The following FNBP1L variants were observed in gnomAD, a reference collection of about 807,000 sequenced individuals.
FNBP1L encodes the protein formin-binding protein 1-like.
A neutral mutation model predicts 91.2 loss-of-function variants in FNBP1L; 36 were observed. The observed-to-expected ratio is 0.39, with a 90% CI of 0.30 to 0.52. The LOEUF is 0.52. FNBP1L is among the 20% of genes least tolerant of loss of function. The probability of loss-of-function intolerance (pLI) is 0.66; values close to 1 mark genes in which losing one functional copy is unlikely to be tolerated. For missense variants in FNBP1L, 571 were observed against 732.1 expected, an observed-to-expected ratio of 0.78 and a Z score of 2.54; for synonymous variants, 242 against 237.0, an observed-to-expected ratio of 1.02 and a Z score of -0.19.
At chr1:93,510,062 C>T (rs944581607) in intron 2 of FNBP1L, among the ~76,000 whole-genome samples, 7 of 152,302 alleles carry the variant, frequency 4.6e-5, no homozygotes, top group South Asian at 2.1e-4. Flanking sequence ...CCCAGGCTTG[C>T]TTAGGTAAAC....
chr1:93,518,748 T>A (rs1191380808), intron 2 of FNBP1L, among the ~76,000 whole-genome samples: 1 of 152,230 alleles, frequency 6.6e-6, no homozygotes, highest in Non-Finnish European at 1.5e-5. Flanking sequence ...TTTGCTAAAG[T>A]CTACACTTGA....
chr1:93,522,703 G>A (rs1226768608), intron 3 of FNBP1L, among the ~76,000 whole-genome samples: 2 of 152,092 alleles, frequency 1.3e-5, no homozygotes, highest in Admixed American at 1.3e-4. Flanking sequence ...AGTGTTAATG[G>A]AGTCCTATCT....
intron 2 of FNBP1L, among the ~76,000 whole-genome samples, chr1:93,511,614 TTAAATG>T (rs762460689): frequency 6.6e-6 from 1 of 152,042 alleles, no homozygotes; most frequent in Non-Finnish European, 1.5e-5. Flanking sequence ...AATATTAACT[TTAAATG>T]TAAATGGACT....
chr1:93,507,323 TTGG>T (rs1261243165), intron 2 of FNBP1L, among the ~76,000 whole-genome samples: 1 of 152,144 alleles, frequency 6.6e-6, no homozygotes, highest in Non-Finnish European at 1.5e-5. Context: ...GCTATCATAA[TTGG>T]TGGAAAACCT....
rs901344997 is a variant in FNBP1L at position 93,498,448 on chromosome 1, G to A, written c.25-1020G>A. On this transcript the variant is annotated intron_variant, in intron 1 of 16. Coordinates refer to ENST00000271234, the MANE Select transcript of FNBP1L (RefSeq NM_001164473.3). ...ATGATAATCAGAAAGTTTCGTGGAA[G>A]AATAGAGTGGTAACTTGCTTTTAGG... Among the ~76,000 whole-genome samples, 17 of 152,332 alleles carry A rather than the reference G, an allele frequency of 1.1e-4. No homozygotes were observed. In the South Asian group the frequency reaches 2.7e-3, roughly 24 times the overall value.
intron 12 of FNBP1L, 41 bp downstream of exon 12, chr1:93,544,257 G>A: frequency 7.0e-7 from 1 of 1,426,172 alleles, no homozygotes; most frequent in African/African-American, 1.4e-5. Context: ...ATTATTTTAG[G>A]ATCTACTTTG....
chr1:93,543,966 TC>T, intron 11 of FNBP1L, 140 bp from the exon 12 acceptor site: 4 of 515,826 alleles, frequency 7.8e-6, no homozygotes, highest in South Asian at 6.6e-5. Context: ...TGTGTAGATT[TC>T]TTTTTTTTTT....
chr1:93,460,773 G>A (rs949843377), intron 1 of FNBP1L, among the ~76,000 whole-genome samples: 4 of 152,148 alleles, frequency 2.6e-5, no homozygotes, highest in African/African-American at 9.7e-5. Context: ...CCAGAGGCTG[G>A]GTGTGGGGAG....
intron 2 of FNBP1L, among the ~76,000 whole-genome samples, chr1:93,503,396 G>C (rs549737376): frequency 1.3e-5 from 2 of 152,264 alleles, no homozygotes; most frequent in South Asian, 4.1e-4. Flanking sequence ...AATTCAAGAT[G>C]AGATTTGGGT....
At chr1:93,500,436 CT>C (rs1157976048) in intron 2 of FNBP1L, among the ~76,000 whole-genome samples, 1 of 151,996 alleles carries the variant, frequency 6.6e-6, no homozygotes, top group East Asian at 1.9e-4. Flanking sequence ...ATGGTCTTCT[CT>C]ATTGTACCTT....
intron 1 of FNBP1L, among the ~76,000 whole-genome samples, chr1:93,476,596 G>T (rs1259664145): frequency 1.3e-5 from 2 of 152,086 alleles, no homozygotes; most frequent in Non-Finnish European, 2.9e-5. Flanking sequence ...GATGATATCA[G>T]CATAAAAACA....
chr1:93,523,471 C>T lies in FNBP1L; in HGVS notation c.322C>T (p.Leu108=). 1 of 1,603,614 alleles carries T rather than the reference C, an allele frequency of 6.2e-7. No homozygotes were observed. Among genetic ancestry groups the T allele is most frequent in the East Asian group, 2.2e-5 (1 of 44,700 alleles). The part of the protein sequence containing the change: ...YGELMRYAHD[L]KTERKMHLQE... ...TGAATTAATGAGATATGCTCATGAT[C>T]TGAAAACTGAAAGAAAAATGGTAAT... The change falls in exon 4 of 17, where the codon CTG becomes TTG. Residue 108 remains leucine (L), a synonymous_variant. Transcript: ENST00000271234.
chr1:93,475,520 CTGAG>C (rs1339379485), intron 1 of FNBP1L, among the ~76,000 whole-genome samples: 7 of 152,284 alleles, frequency 4.6e-5, no homozygotes, highest in South Asian at 2.1e-4. Flanking sequence ...GCCTAGGTGA[CTGAG>C]TGAGACCCTG....
intron 2 of FNBP1L, among the ~76,000 whole-genome samples, chr1:93,515,823 G>A (rs1671081454): frequency 6.6e-6 from 1 of 151,602 alleles, no homozygotes; most frequent in South Asian, 2.1e-4. Context: ...TAGATGACGA[G>A]TTAGTGAGTG....
Position 93,448,318 on chromosome 1 carries a change from G to T in FNBP1L, c.24+13G>T, listed in dbSNP as rs1484867542. On this transcript the variant is annotated intron_variant, in intron 1 of 16. Coordinates refer to ENST00000271234, the MANE Select transcript of FNBP1L (RefSeq NM_001164473.3). ...CACGGAGCTGTGGGTGAGTCGGGGA[G>T]AGGGGCGCCCCGCACGGACCCCGGC... 1 of 1,507,572 alleles carries T rather than the reference G, an allele frequency of 6.6e-7. No homozygotes were observed. The highest frequency in any genetic ancestry group is 8.9e-7 in the Non-Finnish European group (1 of 1,129,230). The allele number at this position is 1,507,572 out of a possible 1,614,324, so 93.4% of individuals were successfully genotyped here.
intron 1 of FNBP1L, among the ~76,000 whole-genome samples, chr1:93,494,650 G>C (rs1357784320): frequency 6.6e-6 from 1 of 152,116 alleles, no homozygotes; most frequent in Non-Finnish European, 1.5e-5. Flanking sequence ...AGGGAATAAG[G>C]GTTTTAGAAT....
intron 1 of FNBP1L, among the ~76,000 whole-genome samples, chr1:93,459,599 C>T (rs574308387): frequency 2.6e-4 from 39 of 152,258 alleles, no homozygotes; most frequent in Non-Finnish European, 1.2e-4. Context: ...GTGAAGAAAA[C>T]GGAACCCTTG....
At chr1:93,512,440 A>G (rs943381831) in intron 2 of FNBP1L, among the ~76,000 whole-genome samples, 1 of 151,584 alleles carries the variant, frequency 6.6e-6, no homozygotes, top group African/African-American at 2.4e-5. Flanking sequence ...CATCTACAGA[A>G]CTCTCCACCC....
intron 1 of FNBP1L, among the ~76,000 whole-genome samples, chr1:93,464,324 C>G (rs376622310): frequency 6.6e-6 from 1 of 152,134 alleles, no homozygotes; most frequent in African/African-American, 2.4e-5. Context: ...GTACAATTTT[C>G]TCTAATTTAT....
Sources: gnomAD v4.1 joint callset for allele counts (sites outside exome capture counted in the v4.1 genomes callset) on GRCh38, gnomAD v4.1.1 for gene constraint, MANE v1.5 for transcripts, NCBI Gene and HGNC (gene_info 2026-07-23, HGNC 2026-07-21) for gene names.